Variants in CDIN1 observed in about 807,000 individuals in gnomAD.
CDIN1 encodes the protein CDAN1 interacting nuclease 1.
Under a neutral mutation model 45.3 loss-of-function variants are expected in CDIN1, and 33 were observed. That is an observed-to-expected ratio of 0.73 (90% CI 0.55 to 0.97). The LOEUF (loss-of-function observed/expected upper bound fraction) is 0.97. CDIN1 is among the 50% of genes least tolerant of loss of function. The probability of loss-of-function intolerance (pLI) is 0.00; values close to 1 mark genes in which losing one functional copy is unlikely to be tolerated. For synonymous variants in CDIN1, 118 were observed against 124.4 expected (o/e 0.95, Z 0.34); for missense variants, 303 against 339.4 (o/e 0.89, Z 0.84).
chr15:36,803,288 A>G (rs1185289995), intron 10 of CDIN1, among the ~76,000 whole-genome samples: 2 of 150,704 alleles, frequency 1.3e-5, no homozygotes, highest in Non-Finnish European at 2.9e-5. Flanking sequence ...AGTGCAAGTT[A>G]GGAGCTAAGA....
chr15:36,717,444 C>G (rs1584775), intron 10 of CDIN1, among the ~76,000 whole-genome samples: 93,884 of 151,944 alleles, frequency 0.62, 29,392 homozygotes, highest in African/African-American at 0.71. Flanking sequence ...TTTTGTCTAG[C>G]CTTTTTTACT....
At chr15:36,651,069 A>C (rs2040557604) in intron 3 of CDIN1, among the ~76,000 whole-genome samples, 2 of 152,114 alleles carry the variant, frequency 1.3e-5, no homozygotes, top group Admixed American at 1.3e-4. Flanking sequence ...TCTCAAAAAA[A>C]AAATAAAAAA....
intron 10 of CDIN1, among the ~76,000 whole-genome samples, chr15:36,736,768 C>T (rs1044139444): frequency 6.6e-6 from 1 of 152,194 alleles, no homozygotes; most frequent in Non-Finnish European, 1.5e-5. Context: ...AGGTCTTCCA[C>T]AGTCTGACCT....
chr15:36,610,422 G>C (rs981115981), intron 1 of CDIN1, among the ~76,000 whole-genome samples: 1 of 152,140 alleles, frequency 6.6e-6, no homozygotes, highest in African/African-American at 2.4e-5. Flanking sequence ...TTATCTAGAC[G>C]TAGTTGTGTA....
chr15:36,751,229 T>TTTTTATATATA (rs568110101), intron 10 of CDIN1, among the ~76,000 whole-genome samples: 1 of 97,612 alleles, frequency 1.0e-5, no homozygotes, highest in African/African-American at 4.3e-5. Context: ...TATGCTTATT[T>TTTTTATATATA]TATATATATA....
chr15:36,691,349 T>C (rs113208413), intron 5 of CDIN1: 8 of 281,140 alleles, frequency 2.8e-5, no homozygotes, highest in African/African-American at 1.4e-4. Context: ...AATAACTACC[T>C]GCAAAAGGTA....
intron 1 of CDIN1, among the ~76,000 whole-genome samples, chr15:36,637,164 CCAA>C (rs1241588922): frequency 2.0e-5 from 3 of 152,132 alleles, no homozygotes; most frequent in African/African-American, 7.2e-5. Context: ...CCCAGAGGCA[CCAA>C]CGTGTGTGAT....
intron 10 of CDIN1, among the ~76,000 whole-genome samples, chr15:36,777,342 C>T (rs913386792): frequency 5.9e-5 from 9 of 151,278 alleles, no homozygotes; most frequent in South Asian, 2.1e-4. Flanking sequence ...CTCACTTGCT[C>T]ATTTCAGGTC....
chr15:36,613,863 G>A (rs2038762955), intron 1 of CDIN1: 4 of 1,585,800 alleles, frequency 2.5e-6, no homozygotes, highest in Non-Finnish European at 3.5e-6. Context: ...GAGGTGGCTT[G>A]TAAGTGGGTG....
At chr15:36,592,840 A>G (rs1595714942) in intron 1 of CDIN1, among the ~76,000 whole-genome samples, 2 of 152,272 alleles carry the variant, frequency 1.3e-5, no homozygotes, top group East Asian at 3.9e-4. Flanking sequence ...AAGTTTAGGG[A>G]CATTACAGTG....
chr15:36,717,717 G>A (rs1357896255), intron 10 of CDIN1, among the ~76,000 whole-genome samples: 3 of 152,108 alleles, frequency 2.0e-5, no homozygotes, highest in East Asian at 1.9e-4. Context: ...TTGGAACATA[G>A]GGTGGGAATA....
intron 10 of CDIN1, among the ~76,000 whole-genome samples, chr15:36,805,783 C>T (rs550415227): frequency 4.6e-5 from 7 of 152,238 alleles, no homozygotes; most frequent in Non-Finnish European, 1.0e-4. Flanking sequence ...TTGAAGAAGG[C>T]TCAGAAATGC....
At chr15:36,615,803 G>A (rs774049192) in intron 1 of CDIN1, among the ~76,000 whole-genome samples, 19 of 152,202 alleles carry the variant, frequency 1.2e-4, no homozygotes, top group East Asian at 3.9e-4. Context: ...TTGTTTTTTG[G>A]TTTGAAGTTA....
At chr15:36,617,506 C>G (rs980166950) in intron 1 of CDIN1, 2 of 846,630 alleles carry the variant, frequency 2.4e-6, no homozygotes, top group Non-Finnish European at 4.2e-6. Flanking sequence ...GTCAAAGAAT[C>G]TTTACTTGAT....
intron 1 of CDIN1, among the ~76,000 whole-genome samples, chr15:36,587,528 T>G (rs2037362125): frequency 6.6e-6 from 1 of 152,160 alleles, no homozygotes; most frequent in Non-Finnish European, 1.5e-5. Context: ...GCTAAAAAAC[T>G]TGCTTGGGAC....
intron 10 of CDIN1, among the ~76,000 whole-genome samples, chr15:36,805,958 T>G (rs1257813880): frequency 3.9e-5 from 6 of 152,286 alleles, no homozygotes; most frequent in African/African-American, 1.4e-4. Context: ...CATTCTTAAT[T>G]AATTAGAGAC....
intron 1 of CDIN1, 107 bp downstream of exon 1, chr15:36,580,068 C>A: frequency 1.1e-6 from 1 of 944,300 alleles, no homozygotes; most frequent in Non-Finnish European, 1.6e-6. Flanking sequence ...TGGGGAGGAA[C>A]ACCAGTGTCA....
intron 10 of CDIN1, among the ~76,000 whole-genome samples, chr15:36,781,801 T>A (rs2054360005): frequency 6.6e-6 from 1 of 152,208 alleles, no homozygotes; most frequent in Non-Finnish European, 1.5e-5. Context: ...AGTTACTCCC[T>A]CACTTCTTCA....
At position 36,654,100 on chromosome 15, in the gene CDIN1, A is replaced by T; in HGVS notation, c.215A>T (p.Tyr72Phe). 1.3e-6 allele frequency: 2 copies of T among 1,576,874 alleles called. No homozygotes were observed. The highest frequency in any genetic ancestry group is 2.3e-5 in the South Asian group (2 of 85,996). The change falls in exon 4 of 11, where the codon TAC becomes TTC. Residue 72 changes from tyrosine (Y) to phenylalanine (F), a missense_variant and splice_region_variant. By Grantham distance (22) the Tyr-to-Phe change is conservative (BLOSUM62 3). Coordinates refer to ENST00000566621, the MANE Select transcript of CDIN1 (RefSeq NM_001321759.2). ...CCACTTGGCTTTGTCTTGTCTAGGT[A>T]CCTGAATGGAGTGGTGAAAAATGGA... ...SEAIESYYQR[Y>F]LNGVVKNGAA...
Sources: gnomAD v4.1 joint callset for allele counts (sites outside exome capture counted in the v4.1 genomes callset) on GRCh38, gnomAD v4.1.1 for gene constraint, MANE v1.5 for transcripts, NCBI Gene and HGNC (gene_info 2026-07-23, HGNC 2026-07-21) for gene names.